The following CNTN4 variants were observed in gnomAD, a reference collection of about 807,000 sequenced individuals.
CNTN4 encodes the protein contactin 4, also known as contactin-4.
A neutral mutation model predicts 122.5 loss-of-function variants in CNTN4; 77 were observed. The observed-to-expected ratio is 0.63, with a 90% confidence interval of 0.52 to 0.76. The LOEUF (loss-of-function observed/expected upper bound fraction) is 0.76. Among genes scored for constraint, CNTN4 ranks in the 30% least tolerant of loss-of-function variants. The probability of loss-of-function intolerance (pLI) is 0.00; values close to 1 mark genes in which losing one functional copy is unlikely to be tolerated. For synonymous variants in CNTN4, 512 were observed against 447.0 expected, an observed-to-expected ratio of 1.15 and a Z score of -1.83; for missense variants, 1,256 against 1,259.1, an observed-to-expected ratio of 1.00 and a Z score of 0.04.
rs559902156 is a variant in CNTN4 at position 3,038,473 on chromosome 3, T to C, written c.2093-460T>C. The stretch of plus-strand genomic sequence containing the variant: ...CCCCCCGCTTCTCCATGCTGACTGT[T>C]CCTTACCCTGGTTGTCGACCTTGCT... On this transcript the variant is annotated intron_variant, in intron 18 of 24. Coordinates refer to ENST00000418658, the MANE Select transcript of CNTN4 (RefSeq NM_175607.3). Among the ~76,000 whole-genome samples, 6 of 152,244 alleles carry C rather than the reference T, an allele frequency of 3.9e-5. No homozygotes were observed. In the South Asian group the frequency reaches 1.0e-3, roughly 26 times the overall value.
intron 4 of CNTN4, among the ~76,000 whole-genome samples, chr3:2,609,396 C>T (rs1004807583): frequency 2.6e-5 from 4 of 152,110 alleles, no homozygotes; most frequent in South Asian, 4.1e-4. Context: ...TTTGCCGGCA[C>T]CTTTATCCTG....
chr3:3,000,294 A>G (rs942337536), intron 14 of CNTN4, among the ~76,000 whole-genome samples: 1 of 151,998 alleles, frequency 6.6e-6, no homozygotes, highest in East Asian at 1.9e-4. Context: ...TAAGATAGAC[A>G]TTAAAATTTG....
chr3:2,972,738 G>A (rs1011720180), intron 13 of CNTN4, among the ~76,000 whole-genome samples: 1 of 152,032 alleles, frequency 6.6e-6, no homozygotes, highest in Non-Finnish European at 1.5e-5. Context: ...TATACATAGT[G>A]CAATATCTTC....
intron 2 of CNTN4, among the ~76,000 whole-genome samples, chr3:2,328,117 C>G (rs749093191): frequency 1.2e-4 from 18 of 152,266 alleles, no homozygotes; most frequent in Middle Eastern, 3.4e-3. Flanking sequence ...CACGGCTGTC[C>G]ATTAAAAATA....
chr3:2,844,062 A>G (rs1196659289), intron 7 of CNTN4, among the ~76,000 whole-genome samples: 2 of 152,162 alleles, frequency 1.3e-5, no homozygotes, highest in Non-Finnish European at 2.9e-5. Context: ...TTTCTCAAAG[A>G]CATGAAACAC....
At chr3:2,732,455 C>T (rs1359760775) in intron 4 of CNTN4, among the ~76,000 whole-genome samples, 2 of 151,166 alleles carry the variant, frequency 1.3e-5, no homozygotes, top group Non-Finnish European at 2.9e-5. Context: ...CCTCTTTAGA[C>T]TGAAAATCAC....
intron 4 of CNTN4, among the ~76,000 whole-genome samples, chr3:2,637,862 C>G (rs1043022844): frequency 1.3e-5 from 2 of 152,138 alleles, no homozygotes; most frequent in African/African-American, 2.4e-5. Flanking sequence ...CCTTGATTGA[C>G]TCTTCATCGA....
intron 3 of CNTN4, among the ~76,000 whole-genome samples, chr3:2,452,461 T>G (rs1436711826): frequency 6.6e-6 from 1 of 152,160 alleles, no homozygotes; most frequent in Non-Finnish European, 1.5e-5. Flanking sequence ...AGGGACTTAG[T>G]CTGGCATGAT....
intron 2 of CNTN4, among the ~76,000 whole-genome samples, chr3:2,104,229 CGT>C (rs142907603): frequency 0.015 from 1,980 of 135,394 alleles, 17 homozygotes; most frequent in African/African-American, 0.027. Context: ...TTTATGTCTA[CGT>C]GTGTGTGTGT....
intron 7 of CNTN4, among the ~76,000 whole-genome samples, chr3:2,863,758 C>G (rs1469505764): frequency 3.5e-5 from 5 of 144,632 alleles, no homozygotes. Context: ...TAAGGAGTTT[C>G]AAGGACATTG....
chr3:2,697,649 G>T (rs1193818405), intron 4 of CNTN4, among the ~76,000 whole-genome samples: 2 of 152,076 alleles, frequency 1.3e-5, no homozygotes, highest in Non-Finnish European at 2.9e-5. Context: ...GCTAGTTAAA[G>T]TTCTCCATCA....
intron 3 of CNTN4, among the ~76,000 whole-genome samples, chr3:2,346,363 C>CT (rs1253030479): frequency 6.6e-6 from 1 of 152,056 alleles, no homozygotes; most frequent in Non-Finnish European, 1.5e-5. Context: ...TTTAGCTCAA[C>CT]TTTTTCTTCC....
At chr3:2,257,919 C>T (rs960257266) in intron 2 of CNTN4, among the ~76,000 whole-genome samples, 115 of 152,064 alleles carry the variant, frequency 7.6e-4, no homozygotes, top group African/African-American at 2.8e-3. Context: ...AAAAATTAGC[C>T]AGGCGTGGTG....
At chr3:2,994,648 A>T (rs1246763886) in intron 14 of CNTN4, among the ~76,000 whole-genome samples, 1 of 149,820 alleles carries the variant, frequency 6.7e-6, no homozygotes, top group African/African-American at 2.5e-5. Flanking sequence ...AGCACCAAAG[A>T]GTATCTACAG....
chr3:2,152,251 A>G (rs1037752509), intron 2 of CNTN4, among the ~76,000 whole-genome samples: 2 of 151,626 alleles, frequency 1.3e-5, no homozygotes, highest in African/African-American at 2.4e-5. Flanking sequence ...AAGTGCCTCA[A>G]GAAAGCCTCT....
intron 14 of CNTN4, among the ~76,000 whole-genome samples, chr3:3,008,701 T>C (rs1394118447): frequency 6.6e-6 from 1 of 152,206 alleles, no homozygotes; most frequent in Non-Finnish European, 1.5e-5. Context: ...TACATAATAA[T>C]AGGTCATTTC....
chr3:2,823,350 G>T (rs149223912), intron 7 of CNTN4, among the ~76,000 whole-genome samples: 1 of 152,160 alleles, frequency 6.6e-6, no homozygotes, highest in Non-Finnish European at 1.5e-5. Flanking sequence ...AAAGCTGTGC[G>T]GTGTCAGACC....
At chr3:3,012,071 A>G (rs1236897562) in intron 14 of CNTN4, among the ~76,000 whole-genome samples, 1 of 152,160 alleles carries the variant, frequency 6.6e-6, no homozygotes, top group East Asian at 1.9e-4. Context: ...GGGCAGAGCT[A>G]AAATTTGCAT....
intron 2 of CNTN4, among the ~76,000 whole-genome samples, chr3:2,216,855 T>A (rs1374563157): frequency 1.3e-5 from 2 of 152,300 alleles, no homozygotes; most frequent in East Asian, 3.9e-4. Flanking sequence ...TCAACTTTTC[T>A]TGAACAGATA....
Sources: allele counts gnomAD v4.1 joint callset (sites outside exome capture counted in the v4.1 genomes callset), GRCh38; gene constraint gnomAD v4.1.1; transcripts MANE v1.5; gene names NCBI Gene and HGNC (gene_info 2026-07-23, HGNC 2026-07-21).